The following DAPK1 variants were observed in gnomAD, a reference collection of about 807,000 sequenced individuals.
DAPK1 encodes death associated protein kinase 1.
DAPK1 carries 56 observed loss-of-function variants against 144.9 expected under a neutral mutation model. The ratio of observed to expected loss-of-function variants is 0.39; its 90% CI spans 0.31 to 0.48. The LOEUF is 0.48. Among genes scored for constraint, DAPK1 ranks in the 20% least tolerant of loss-of-function variants. DAPK1 has a pLI of 0.95. For missense variants in DAPK1, 1,454 were observed against 1,875.4 expected (o/e 0.78, Z 4.15); for synonymous variants, 690 against 749.0 (o/e 0.92, Z 1.29).
At chr9:87,569,328 GC>G (rs1470030063) in intron 2 of DAPK1, among the ~76,000 whole-genome samples, 1 of 152,218 alleles carries the variant, frequency 6.6e-6, no homozygotes, top group Non-Finnish European at 1.5e-5. Flanking sequence ...GCTGGGCTTT[GC>G]CCCATGGACT....
At chr9:87,587,198 A>G (rs936455578) in intron 2 of DAPK1, among the ~76,000 whole-genome samples, 1 of 152,216 alleles carries the variant, frequency 6.6e-6, no homozygotes, top group African/African-American at 2.4e-5. Context: ...ACTCTCCGCC[A>G]TGTTCTCTGC....
intron 2 of DAPK1, among the ~76,000 whole-genome samples, chr9:87,589,784 A>G (rs974925059): frequency 6.6e-6 from 1 of 152,176 alleles, no homozygotes; most frequent in Non-Finnish European, 1.5e-5. Flanking sequence ...TCCATATGAC[A>G]TATTGAATGA....
At chr9:87,516,865 G>A (rs757379366) in intron 2 of DAPK1, among the ~76,000 whole-genome samples, 6 of 152,184 alleles carry the variant, frequency 3.9e-5, no homozygotes, top group Non-Finnish European at 8.8e-5. Flanking sequence ...CAGGGTGCTG[G>A]CAGGGAACTG....
In DAPK1 at chr9:87,686,400, AC is replaced by A. The variant is rs1824855789; in HGVS notation, c.2225-150del. The stretch of plus-strand genomic sequence containing the variant: ...CTTGCTGGGAACACTGCTGCCCTGC[AC>A]GTGTGAGGGCAGACACACTCAGCCT... On this transcript the variant is annotated intron_variant, in intron 20 of 25. Coordinates refer to ENST00000408954, the MANE Select transcript of DAPK1 (RefSeq NM_004938.4). The surrounding 1 kb of genome is among the most constrained non-coding windows in gnomAD (Gnocchi z 4.2). 1 of 610,978 alleles carries A rather than the reference AC, an allele frequency of 1.6e-6. No homozygotes were observed. Among genetic ancestry groups the A allele is most frequent in the Admixed American group, 2.7e-5 (1 of 37,466 alleles). 37.8% of individuals were successfully genotyped at this position (610,978 alleles called of 1,614,324 possible).
intron 21 of DAPK1, among the ~76,000 whole-genome samples, chr9:87,689,132 C>T (rs1400594026): frequency 6.6e-6 from 1 of 151,920 alleles, no homozygotes; most frequent in Non-Finnish European, 1.5e-5. Context: ...GGTGGGAATC[C>T]AGTTTCATTC....
chr9:87,499,199 A>G (rs1587659715), intron 2 of DAPK1, 60 bp downstream of exon 2: 1 of 1,388,806 alleles, frequency 7.2e-7, no homozygotes, highest in Non-Finnish European at 1.0e-6. Context: ...CGATGGGGCC[A>G]TTGGGTGGTA....
At chr9:87,624,846 A>G (rs987297780) in intron 3 of DAPK1, among the ~76,000 whole-genome samples, 2 of 152,226 alleles carry the variant, frequency 1.3e-5, no homozygotes, top group African/African-American at 2.4e-5. Flanking sequence ...TTAAAGAGCA[A>G]CAATGGCAGG....
intron 2 of DAPK1, chr9:87,525,553 A>G: frequency 1.0e-6 from 1 of 965,996 alleles, no homozygotes; most frequent in Non-Finnish European, 1.6e-6. Context: ...TAAAATAAAC[A>G]TTTGAAAAAA....
intron 19 of DAPK1, among the ~76,000 whole-genome samples, chr9:87,679,736 T>G (rs930792466): frequency 1.3e-5 from 2 of 152,168 alleles, no homozygotes; most frequent in African/African-American, 4.8e-5. Context: ...AGTAGCGAAC[T>G]ATTTCATTCT....
At chr9:87,658,362 C>T (rs1053125361) in intron 18 of DAPK1, among the ~76,000 whole-genome samples, 4 of 152,316 alleles carry the variant, frequency 2.6e-5, no homozygotes, top group African/African-American at 4.8e-5. Context: ...CCAGGGATTC[C>T]GCTGCTTCCC....
rs147628139 is a variant in DAPK1 at position 87,636,582 on chromosome 9, G to T, written c.285-1361G>T. Among the ~76,000 whole-genome samples the T allele has an allele frequency of 3.4e-3, 518 of 152,256 alleles. 4 individuals are homozygous for T. The highest frequency in any genetic ancestry group is 0.012 in the African/African-American group (485 of 41,552). ...CCCATGGACTCTAGACCGTGCTAAGGAAAACACTGACCTGGAGGGTGAAGG... is the reference window on the plus strand; with the variant it reads ...CCCATGGACTCTAGACCGTGCTAAGTAAAACACTGACCTGGAGGGTGAAGG... On this transcript the variant is annotated intron_variant, in intron 3 of 25. Transcript: ENST00000408954.
rs36220123 is a variant in DAPK1 at position 87,706,102 on chromosome 9, T to A, written c.3061-30T>A. On this transcript the variant is annotated intron_variant, in intron 25 of 25. Transcript: ENST00000408954. The surrounding 1 kb of genome is among the most constrained non-coding windows in gnomAD (Gnocchi z 9.0). The stretch of plus-strand genomic sequence containing the variant: ...GTGCACCTGGCCAGGGCTCTGTCCC[T>A]AAGCGTGACTTTCTGTTGTCCCCCC... 40,526 of 1,550,642 alleles carry A rather than the reference T, an allele frequency of 0.026. 1,165 individuals are homozygous for A. Among genetic ancestry groups the A allele is most frequent in the East Asian group, 0.13 (5,585 of 44,148 alleles).
chr9:87,514,803 A>G (rs60841000), intron 2 of DAPK1, among the ~76,000 whole-genome samples: 2,952 of 152,346 alleles, frequency 0.019, 111 homozygotes, highest in African/African-American at 0.067. Context: ...AGAGTCTGAG[A>G]GCTTTGATAA....
intron 20 of DAPK1, among the ~76,000 whole-genome samples, chr9:87,682,259 G>C (rs10118981): frequency 0.029 from 4,462 of 152,242 alleles, 205 homozygotes; most frequent in African/African-American, 0.096. Context: ...CCACAGACAG[G>C]GTTATTGATT....
At position 87,708,230 on chromosome 9, in the gene DAPK1, G is replaced by A. The variant is rs1004163415; in HGVS notation, c.*866G>A. On this transcript the variant is annotated 3_prime_UTR_variant, in exon 26 of 26. Coordinates refer to ENST00000408954, the MANE Select transcript of DAPK1 (RefSeq NM_004938.4). ...TCCCTCTCATCTCAGGTAGAAGGTT[G>A]ACACAGTTGTAGGGTTACAGAGACC... 4.9e-6 allele frequency: 1 copy of A among 205,368 alleles called. No individual in the cohort carries two copies. The highest frequency in any genetic ancestry group is 5.6e-5 in the Admixed American group (1 of 18,018). 12.7% of individuals were successfully genotyped at this position (205,368 alleles called of 1,614,324 possible).
intron 3 of DAPK1, among the ~76,000 whole-genome samples, chr9:87,620,871 A>T (rs1829270474): frequency 1.3e-5 from 2 of 152,104 alleles, no homozygotes; most frequent in African/African-American, 4.8e-5. Flanking sequence ...GGCTGAAGAG[A>T]TGCCTGGAGG....
rs765250716 is a variant in DAPK1, at chr9:87,639,500, C to T, written c.553+17C>T. The T allele has an allele frequency of 6.2e-7, 1 of 1,610,692 alleles. No homozygotes were observed. Among genetic ancestry groups the T allele is most frequent in the Non-Finnish European group, 8.5e-7 (1 of 1,179,050 alleles). On this transcript the variant is annotated intron_variant, in intron 5 of 25. Coordinates refer to ENST00000408954, the MANE Select transcript of DAPK1 (RefSeq NM_004938.4). ...AGTTTGTCGGTAAGTTTCTTTGCTC[C>T]TGTGGTCATTTACGTCTCATAAACA...
At chr9:87,606,769 C>T (rs1367261389) in intron 3 of DAPK1, among the ~76,000 whole-genome samples, 3 of 116,322 alleles carry the variant, frequency 2.6e-5, no homozygotes, top group Non-Finnish European at 5.4e-5. Context: ...TTCCTTCCTC[C>T]CTCCCTCCCT....
chr9:87,631,928 A>G (rs1829701694), intron 3 of DAPK1: 1 of 344,616 alleles, frequency 2.9e-6, no homozygotes, highest in Non-Finnish European at 4.1e-6. Context: ...AGTTCATGGC[A>G]AAAACATCTG....
Sources: allele counts gnomAD v4.1 joint callset (sites outside exome capture counted in the v4.1 genomes callset), GRCh38; gene constraint gnomAD v4.1.1; non-coding constraint Gnocchi (gnomAD v3.1); transcripts MANE v1.5; gene names NCBI Gene and HGNC (gene_info 2026-07-23, HGNC 2026-07-21).